Variants in THOC2 observed in about 807,000 individuals in gnomAD.
The protein encoded by THOC2 is THO complex subunit 2, also known as THO complex 2.
Under a neutral mutation model 128.4 loss-of-function variants are expected in THOC2, and 10 were observed. The ratio of observed to expected loss-of-function variants is 0.08; its 90% CI spans 0.05 to 0.13. The LOEUF (loss-of-function observed/expected upper bound fraction) is 0.13. Among genes scored for constraint, THOC2 ranks in the 10% least tolerant of loss-of-function variants. The pLI, the probability that THOC2 is intolerant of heterozygous loss-of-function variation, is 1.00. For missense variants in THOC2, 535 were observed against 1,155.7 expected, an observed-to-expected ratio of 0.46 and a Z score of 7.79; for synonymous variants, 393 against 396.9, an observed-to-expected ratio of 0.99 and a Z score of 0.12.
intron 8 of THOC2, among the ~76,000 whole-genome samples, chrX:123,683,382 G>A (rs766367749): frequency 2.7e-5 from 3 of 111,072 alleles, no homozygotes; most frequent in Admixed American, 1.9e-4. Flanking sequence ...TTCAGGTAGT[G>A]ATGGGAAAGG....
intron 1 of THOC2, among the ~76,000 whole-genome samples, chrX:123,732,613 AAGG>A (rs2052323918): frequency 8.9e-6 from 1 of 111,792 alleles, no homozygotes; most frequent in Non-Finnish European, 1.9e-5. Flanking sequence ...CATAAAGATA[AAGG>A]AGCCAAGTGA....
In THOC2 at chrX:123,624,132, T is replaced by G; in HGVS notation, c.3246A>C (p.Gly1082=). 8.3e-7 allele frequency: 1 copy of G among 1,203,315 alleles called. No homozygotes were observed. The highest frequency in any genetic ancestry group is 3.0e-5 in the East Asian group (1 of 33,769). The part of the protein sequence containing the change: ...TILRATGFDG[G]NKADQLDYEN... The stretch of plus-strand genomic sequence containing the variant: ...CATAGTCTAATTGATCAGCCTTATT[T>G]CCACCATCAAATCCAGTTGCCCGTA... Residue 1082 remains glycine, a synonymous_variant, in exon 27 of 39, where the codon GGA becomes GGC. Coordinates refer to ENST00000245838, the MANE Select transcript of THOC2 (RefSeq NM_001081550.2).
intron 12 of THOC2, among the ~76,000 whole-genome samples, chrX:123,656,255 C>T (rs2048569137): frequency 9.7e-6 from 1 of 102,664 alleles, no homozygotes; most frequent in Non-Finnish European, 2.0e-5. Context: ...CCCGTGAACC[C>T]GGGAGGCAGA....
intron 1 of THOC2, among the ~76,000 whole-genome samples, chrX:123,713,620 A>T (rs1340669535): frequency 9.0e-6 from 1 of 111,339 alleles, no homozygotes; most frequent in Non-Finnish European, 1.9e-5. Flanking sequence ...AGGCCAAGAC[A>T]GGCAGATAGC....
rs1369489439 is a variant in THOC2, at chrX:123,697,262, A to G, written c.345+419T>C. On this transcript the variant is annotated intron_variant, in intron 5 of 38. Coordinates refer to ENST00000245838, the MANE Select transcript of THOC2 (RefSeq NM_001081550.2). ...TCTCCCTGGTTCTAAATTTATGAAC[A>G]CAAATGGTTTACCAGACAACAATCA... Among the ~76,000 whole-genome samples, 3 of 112,134 alleles carry G rather than the reference A, an allele frequency of 2.7e-5. No homozygotes were observed. In the Admixed American group the frequency reaches 2.8e-4, roughly 11 times the overall value.
intron 12 of THOC2, among the ~76,000 whole-genome samples, chrX:123,661,143 G>A (rs1252045735): frequency 3.6e-5 from 4 of 112,443 alleles, no homozygotes; most frequent in Non-Finnish European, 7.5e-5. Context: ...AGTGGCTCAC[G>A]CCTGTAATTC....
chrX:123,664,677 G>C (rs981241450), intron 12 of THOC2, among the ~76,000 whole-genome samples: 8 of 111,707 alleles, frequency 7.2e-5, no homozygotes, highest in Admixed American at 2.9e-4. Flanking sequence ...AGTTAGAATG[G>C]CGATCATTAA....
Position 123,622,754 on chromosome X carries a change from C to G in THOC2, c.3785+4G>C. 2 of 1,117,093 alleles carry G rather than the reference C, an allele frequency of 1.8e-6. No homozygotes were observed. The highest frequency in any genetic ancestry group is 2.4e-6 in the Non-Finnish European group (2 of 818,671). The allele number at this position is 1,117,093 out of a possible 1,213,427, so 92.1% of individuals were successfully genotyped here. The stretch of plus-strand genomic sequence containing the variant: ...AATTATGACACATGGCACAGTGTTC[C>G]TACCTGTTAGAGCCACTATTTCCAT... On this transcript the variant is annotated splice_donor_region_variant and intron_variant, in intron 30 of 38. Coordinates refer to ENST00000245838, the MANE Select transcript of THOC2 (RefSeq NM_001081550.2).
chrX:123,687,987 G>A (rs776558144), intron 7 of THOC2, among the ~76,000 whole-genome samples: 15 of 112,054 alleles, frequency 1.3e-4, no homozygotes, highest in Admixed American at 9.5e-4. Context: ...AAAGTGATTC[G>A]AAAATAGCAA....
chrX:123,702,897 C>T (rs969095099), intron 4 of THOC2, among the ~76,000 whole-genome samples: 1 of 111,027 alleles, frequency 9.0e-6, no homozygotes. Flanking sequence ...CCATCGGATA[C>T]TACATTTCAT....
At chrX:123,626,398 A>C in intron 24 of THOC2, 123 bp downstream of exon 24, 1 of 730,802 alleles carries the variant, frequency 1.4e-6, no homozygotes. Flanking sequence ...AAATAACCAA[A>C]GAATGGGATA....
At chrX:123,642,347 C>T (rs1271568821) in intron 15 of THOC2, among the ~76,000 whole-genome samples, 2 of 107,785 alleles carry the variant, frequency 1.9e-5, no homozygotes, top group Non-Finnish European at 1.9e-5. Context: ...ATCGCTTGAA[C>T]ACAGGAGGCG....
At chrX:123,617,885 C>T (rs1177810205) in intron 33 of THOC2, among the ~76,000 whole-genome samples, 1 of 111,341 alleles carries the variant, frequency 9.0e-6, no homozygotes, top group Admixed American at 9.5e-5. Flanking sequence ...TTATAAAAAC[C>T]TACTATATTG....
chrX:123,616,728 C>G lies in THOC2; in HGVS notation c.4312-2539G>C, dbSNP rs143005149. Among the ~76,000 whole-genome samples the G allele has an allele frequency of 7.3e-3, 780 of 107,503 alleles. 6 individuals are homozygous for G. The highest frequency in any genetic ancestry group is 0.025 in the African/African-American group (730 of 29,672). 93.4% of individuals were successfully genotyped at this position (107,503 alleles called of 115,157 possible). On this transcript the variant is annotated intron_variant, in intron 33 of 38. Transcript: ENST00000245838. ...AAAGTAGCTGCTAGAATTGCTACATCAAAACACAATTGATCAAAACTAGAA... is the reference window on the plus strand; with the variant it reads ...AAAGTAGCTGCTAGAATTGCTACATGAAAACACAATTGATCAAAACTAGAA...
Position 123,627,924 on chromosome X carries a change from C to T in THOC2, c.2526G>A (p.Gln842=), listed in dbSNP as rs1231261559. ...ELKKSEKGSK[Q]QHKVHKYITS... ...TAATGTACTTATGAACTTTATGTTGCTGTTTACTTCCCTTTTCTGATTTTT... is the reference window on the plus strand; with the variant it reads ...TAATGTACTTATGAACTTTATGTTGTTGTTTACTTCCCTTTTCTGATTTTT... Residue 842 remains glutamine (Q), a synonymous_variant, in exon 23 of 39, where the codon CAG becomes CAA. Transcript: ENST00000245838. The T allele has an allele frequency of 1.7e-6, 2 of 1,206,954 alleles. No homozygotes were observed. The highest frequency in any genetic ancestry group is 2.2e-6 in the Non-Finnish European group (2 of 892,767).
At chrX:123,652,622 T>C (rs2048406807) in intron 12 of THOC2, among the ~76,000 whole-genome samples, 1 of 111,683 alleles carries the variant, frequency 9.0e-6, no homozygotes, top group Non-Finnish European at 1.9e-5. Context: ...ATCACAAGCA[T>C]TCCTATACAC....
chrX:123,615,309 A>G (rs2046848297), intron 33 of THOC2, among the ~76,000 whole-genome samples: 1 of 111,341 alleles, frequency 9.0e-6, no homozygotes, highest in African/African-American at 3.2e-5. Flanking sequence ...TTAAACACTT[A>G]TTTTTTAACA....
intron 11 of THOC2, 131 bp from the exon 12 acceptor site, chrX:123,665,968 A>T: frequency 2.9e-6 from 1 of 350,563 alleles, no homozygotes; most frequent in Non-Finnish European, 4.4e-6. Flanking sequence ...TTTCTTGCTC[A>T]TATTTGCTTT....
rs1032345154 is a variant in THOC2, at chrX:123,607,082, A to T, written c.*18+3836T>A. On this transcript the variant is annotated intron_variant, in intron 38 of 38. Transcript: ENST00000245838. ...TAAAAAAAAAAAAGTTAAAGTAGGA[A>T]GGAAGGTTAAAGGCAAAGGAACTAG... Among the ~76,000 whole-genome samples, 22 of 110,723 alleles carry T rather than the reference A, an allele frequency of 2.0e-4. No homozygotes were observed. In the East Asian group the frequency reaches 2.2e-3, roughly 11 times the overall value.
Sources: allele counts gnomAD v4.1 joint callset (sites outside exome capture counted in the v4.1 genomes callset), GRCh38; gene constraint gnomAD v4.1.1; transcripts MANE v1.5; gene names NCBI Gene and HGNC (gene_info 2026-07-23, HGNC 2026-07-21).